Variants in NR1I2 observed in about 807,000 individuals in gnomAD.
NR1I2 encodes the protein orphan nuclear receptor PAR1.
A neutral mutation model predicts 43.3 loss-of-function variants in NR1I2; 42 were observed. The observed-to-expected ratio is 0.97, with a 90% CI of 0.76 to 1.26. NR1I2 has a LOEUF of 1.26. NR1I2 is among the 50% of genes most tolerant of loss of function. The pLI is 0.00. For synonymous variants in NR1I2, 229 were observed against 215.0 expected (o/e 1.06, Z -0.57); for missense variants, 559 against 566.7 (o/e 0.99, Z 0.14).
chr3:119,799,563 A>T (rs1231912047), intron 1 of NR1I2, among the ~76,000 whole-genome samples: 2 of 152,080 alleles, frequency 1.3e-5, no homozygotes, highest in Non-Finnish European at 2.9e-5. Flanking sequence ...TTTGTGCCAT[A>T]TTTTTTCTGA....
intron 1 of NR1I2, among the ~76,000 whole-genome samples, chr3:119,799,731 G>T (rs1046211511): frequency 2.6e-5 from 4 of 152,146 alleles, no homozygotes; most frequent in Admixed American, 1.3e-4. Context: ...TCTAATTCCA[G>T]CATTTTGGGA....
At chr3:119,804,672 C>T (rs1471972615) in intron 1 of NR1I2, among the ~76,000 whole-genome samples, 1 of 151,898 alleles carries the variant, frequency 6.6e-6, no homozygotes, top group Non-Finnish European at 1.5e-5. Context: ...TCTCTAACTC[C>T]TAACCTCAGG....
At position 119,817,555 on chromosome 3, in the gene NR1I2, T is replaced by C; in HGVS notation, c.*343T>C. 8.3e-7 allele frequency: 1 copy of C among 1,201,128 alleles called. No homozygotes were observed. Among genetic ancestry groups the C allele is most frequent in the East Asian group, 5.3e-5 (1 of 18,878 alleles). 74.4% of individuals were successfully genotyped at this position (1,201,128 alleles called of 1,614,324 possible). A position where few individuals can be genotyped will look rare whatever the true frequency, so the allele number is the denominator to read the frequency against. On this transcript the variant is annotated 3_prime_UTR_variant, in exon 9 of 9. Coordinates refer to ENST00000393716, the MANE Select transcript of NR1I2 (RefSeq NM_003889.4). ...CTCAGATCCCACTAAAGTGTCAAGG[T>C]GTGGAAGGGACCAAGCGACCAAGGA...
intron 1 of NR1I2, among the ~76,000 whole-genome samples, chr3:119,806,637 C>T (rs970051948): frequency 6.6e-6 from 1 of 152,168 alleles, no homozygotes; most frequent in African/African-American, 2.4e-5. Context: ...GACCCCAGCT[C>T]TGCTGGGACC....
In NR1I2 at chr3:119,817,217, C is replaced by G; in HGVS notation, c.*5C>G. ...TTCGGCATCACAGGTAGCTGAGCGG[C>G]TGCCCTTGGGTGACACCTCCGAGAG... On this transcript the variant is annotated 3_prime_UTR_variant, in exon 9 of 9. Transcript: ENST00000393716. 6.2e-7 allele frequency: 1 copy of G among 1,613,788 alleles called. No homozygotes were observed. The highest frequency in any genetic ancestry group is 8.5e-7 in the Non-Finnish European group (1 of 1,180,012).
In NR1I2 at chr3:119,791,819, A is replaced by G; in HGVS notation, c.-23+9519A>G. The G allele has an allele frequency of 5.9e-6, 3 of 511,958 alleles. No individual in the cohort carries two copies. The Admixed American group carries it at 6.6e-5, about 11-fold the overall frequency. The allele number at this position is 511,958 out of a possible 1,614,324, so 31.7% of individuals were successfully genotyped here. A position where few individuals can be genotyped will look rare whatever the true frequency, so the allele number is the denominator to read the frequency against. On this transcript the variant is annotated intron_variant, in intron 1 of 8. Coordinates refer to ENST00000393716, the MANE Select transcript of NR1I2 (RefSeq NM_003889.4). ...GTGTGAGAGGGTTCAACAGAAGAAA[A>G]CATAGCTGCCAAGTGTTTGAGTCCA...
Position 119,810,046 on chromosome 3 carries a change from C to A in NR1I2, c.198-15C>A. ...CACCCGTGCATCCCCCCTTCTGCTC[C>A]CCATTCTCTCACAGGAGGGCCATGA... On this transcript the variant is annotated splice_polypyrimidine_tract_variant and intron_variant, in intron 2 of 8. Transcript: ENST00000393716. 1 of 1,613,718 alleles carries A rather than the reference C, an allele frequency of 6.2e-7. No homozygotes were observed. The highest frequency in any genetic ancestry group is 1.1e-5 in the South Asian group (1 of 91,090).
At position 119,807,218 on chromosome 3, in the gene NR1I2, C is replaced by T; in HGVS notation, c.-22-11C>T. 1 of 1,612,606 alleles carries T rather than the reference C, an allele frequency of 6.2e-7. No homozygotes were observed. The highest frequency in any genetic ancestry group is 8.5e-7 in the Non-Finnish European group (1 of 1,178,734). On this transcript the variant is annotated splice_polypyrimidine_tract_variant and intron_variant, in intron 1 of 8. Transcript: ENST00000393716. ...CAGTCTTTTCATTCTCTGTGGTTTT[C>T]TCATTTCTAGTCCAAGAGGCCCAGA...
chr3:119,812,609 G>A, intron 4 of NR1I2, 77 bp from the exon 5 acceptor site: 1 of 1,571,274 alleles, frequency 6.4e-7, no homozygotes, highest in Non-Finnish European at 8.7e-7. Context: ...TGCATGTTTG[G>A]CTGGGGCCTG....
chr3:119,798,651 A>AAAG (rs991634644), intron 1 of NR1I2, among the ~76,000 whole-genome samples: 2 of 151,250 alleles, frequency 1.3e-5, no homozygotes, highest in African/African-American at 4.9e-5. Context: ...AAAAAAAAAA[A>AAAG]AAAGAAAAAG....
intron 1 of NR1I2, among the ~76,000 whole-genome samples, chr3:119,783,367 C>T (rs1041014964): frequency 6.6e-6 from 1 of 151,968 alleles, no homozygotes; most frequent in African/African-American, 2.4e-5. Flanking sequence ...TGCCCTACAA[C>T]ATCCTTTCAA....
At chr3:119,783,000 C>A in intron 1 of NR1I2, 1 of 714,684 alleles carries the variant, frequency 1.4e-6, no homozygotes, top group Non-Finnish European at 2.5e-6. Context: ...TGCTTTAAGG[C>A]CACTCCATAT....
intron 5 of NR1I2, among the ~76,000 whole-genome samples, chr3:119,813,477 T>A (rs781524593): frequency 6.6e-6 from 1 of 152,072 alleles, no homozygotes; most frequent in Non-Finnish European, 1.5e-5. Flanking sequence ...GTGGGAGACA[T>A]GGGAACTTCC....
intron 1 of NR1I2, among the ~76,000 whole-genome samples, chr3:119,783,139 G>A (rs2054800661): frequency 6.6e-6 from 1 of 152,042 alleles, no homozygotes; most frequent in Admixed American, 6.5e-5. Flanking sequence ...GCTAAGGGAG[G>A]CCTCAGAGGC....
chr3:119,802,006 GCTT>G (rs1249063816), intron 1 of NR1I2, among the ~76,000 whole-genome samples: 2 of 152,186 alleles, frequency 1.3e-5, no homozygotes, highest in African/African-American at 4.8e-5. Flanking sequence ...AAGCTACCAG[GCTT>G]CTTATAGCGT....
chr3:119,809,271 G>C (rs73854719), intron 2 of NR1I2, among the ~76,000 whole-genome samples: 1 of 152,100 alleles, frequency 6.6e-6, no homozygotes, highest in Non-Finnish European at 1.5e-5. Flanking sequence ...CAGGACTTCC[G>C]GGCTGGGAGG....
At chr3:119,800,219 A>G (rs2107961044) in intron 1 of NR1I2, among the ~76,000 whole-genome samples, 1 of 152,168 alleles carries the variant, frequency 6.6e-6, no homozygotes, top group South Asian at 2.1e-4. Context: ...TGAATATCCA[A>G]TTTTCCAAGC....
chr3:119,803,685 C>A (rs1223234778), intron 1 of NR1I2, among the ~76,000 whole-genome samples: 3 of 152,112 alleles, frequency 2.0e-5, no homozygotes, highest in Non-Finnish European at 4.4e-5. Context: ...TTCTCTAATA[C>A]AAAATCTGTC....
Position 119,817,345 on chromosome 3 carries a change from C to A in NR1I2, c.*133C>A, listed in dbSNP as rs1391295156. The A allele has an allele frequency of 2.6e-6, 4 of 1,555,296 alleles. No homozygotes were observed. In the African/African-American group the frequency reaches 5.4e-5, roughly 21 times the overall value. ...TGCTGGCCTGTCTCCCTAGGGAATTCCTGCTATGACAGCTGGCTAGCATTC... is the reference window on the plus strand; with the variant it reads ...TGCTGGCCTGTCTCCCTAGGGAATTACTGCTATGACAGCTGGCTAGCATTC... On this transcript the variant is annotated 3_prime_UTR_variant, in exon 9 of 9. Transcript: ENST00000393716.
Sources: gnomAD v4.1 joint callset for allele counts (sites outside exome capture counted in the v4.1 genomes callset) on GRCh38, gnomAD v4.1.1 for gene constraint, MANE v1.5 for transcripts, NCBI Gene and HGNC (gene_info 2026-07-23, HGNC 2026-07-21) for gene names.